The following RWDD3 variants were observed in gnomAD, a reference collection of about 807,000 sequenced individuals.
RWDD3 encodes the protein RWD domain-containing protein 3.
Under a neutral mutation model 26.5 loss-of-function variants are expected in RWDD3, and 30 were observed. That is an observed-to-expected ratio of 1.13 (90% CI 0.85 to 1.54). The LOEUF (loss-of-function observed/expected upper bound fraction) is 1.54. RWDD3 is among the 40% of genes most tolerant of loss of function. The pLI is 0.00. For missense variants in RWDD3, 296 were observed against 309.1 expected (o/e 0.96, Z 0.32); for synonymous variants, 113 against 114.5 (o/e 0.99, Z 0.09).
chr1:95,239,570 A>AT (rs1680517925), intron 1 of RWDD3, among the ~76,000 whole-genome samples: 1 of 152,220 alleles, frequency 6.6e-6, no homozygotes, highest in Admixed American at 6.5e-5. Context: ...TGACAGTATC[A>AT]TTTTGTATAA....
At chr1:95,235,416 T>G (rs1680289077) in intron 1 of RWDD3, among the ~76,000 whole-genome samples, 1 of 116,954 alleles carries the variant, frequency 8.6e-6, no homozygotes, top group South Asian at 3.2e-4. Flanking sequence ...TGGAGTGCAG[T>G]GGCGCGATCT....
At chr1:95,239,428 T>C (rs1352385006) in intron 1 of RWDD3, among the ~76,000 whole-genome samples, 3 of 152,096 alleles carry the variant, frequency 2.0e-5, no homozygotes, top group African/African-American at 7.2e-5. Flanking sequence ...GCAGATGAGA[T>C]ATGGAAGAGT....
intron 2 of RWDD3, chr1:95,246,021 T>A (rs1321490005): frequency 6.6e-6 from 1 of 152,180 alleles, no homozygotes; most frequent in East Asian, 1.9e-4. Context: ...GGATTGAGGA[T>A]GTATAGGTAC....
At chr1:95,238,361 G>C (rs765696653) in intron 1 of RWDD3, among the ~76,000 whole-genome samples, 8 of 151,862 alleles carry the variant, frequency 5.3e-5, no homozygotes, top group Admixed American at 3.3e-4. Flanking sequence ...TGTCAGTATT[G>C]AGCTGACTTC....
At chr1:95,234,161 G>A, upstream of RWDD3, 2 of 1,493,870 alleles carry the variant, frequency 1.3e-6, no homozygotes, top group African/African-American at 1.4e-5. Context: ...GGGCAGTGCT[G>A]CTCCTGGCCG....
At chr1:95,242,647 G>A (rs938405527) in intron 1 of RWDD3, among the ~76,000 whole-genome samples, 5 of 152,122 alleles carry the variant, frequency 3.3e-5, no homozygotes, top group East Asian at 1.9e-4. Context: ...GGCCGGGTGC[G>A]GTGGCTCATG....
At chr1:95,236,789 G>GA (rs1429561473) in intron 1 of RWDD3, among the ~76,000 whole-genome samples, 1 of 152,096 alleles carries the variant, frequency 6.6e-6, no homozygotes, top group Admixed American at 6.6e-5. Context: ...GAATATCCTG[G>GA]AAAAATGAAC....
chr1:95,241,517 G>C (rs1192721547), intron 1 of RWDD3, among the ~76,000 whole-genome samples: 1 of 152,140 alleles, frequency 6.6e-6, no homozygotes, highest in Non-Finnish European at 1.5e-5. Context: ...ACCTTATATT[G>C]CTTAGGAAAC....
At chr1:95,239,627 A>T (rs939647536) in intron 1 of RWDD3, 77 of 585,776 alleles carry the variant, frequency 1.3e-4, no homozygotes, top group Non-Finnish European at 1.8e-4. Context: ...AGGGGGATTT[A>T]CCAAGACCAA....
At chr1:95,242,738 G>A (rs1347486178) in intron 1 of RWDD3, among the ~76,000 whole-genome samples, 1 of 152,222 alleles carries the variant, frequency 6.6e-6, no homozygotes, top group African/African-American at 2.4e-5. Flanking sequence ...GGCTAACATG[G>A]AGAAACCCTG....
chr1:95,244,697 A>G lies in RWDD3; in HGVS notation c.572A>G (p.Lys191Arg). 6.2e-7 allele frequency: 1 copy of G among 1,611,400 alleles called. No individual in the cohort carries two copies. Among genetic ancestry groups the G allele is most frequent in the Non-Finnish European group, 8.5e-7 (1 of 1,178,966 alleles). The change falls in exon 2 of 4, where the codon AAG becomes AGG. Residue 191 changes from lysine (K) to arginine (R), a missense_variant and splice_region_variant. Physicochemically the swap from Lys to Arg is conservative, Grantham distance 26. Transcript: ENST00000370202. ...ILLQGDRNNLKEYLILQKTSK... is the reference protein window; with the variant it reads ...ILLQGDRNNLREYLILQKTSK... ...CTACAGGGAGACAGAAACAACCTCA[A>G]GGTGCCAAAAAGTTAAATGTTGAGT...
At chr1:95,238,416 G>GTT (rs200439924) in intron 1 of RWDD3, among the ~76,000 whole-genome samples, 2 of 145,654 alleles carry the variant, frequency 1.4e-5, no homozygotes, top group Admixed American at 6.9e-5. Flanking sequence ...TTTATTTTTA[G>GTT]TTTTTTTTTT....
At chr1:95,240,260 C>T (rs555220667) in intron 1 of RWDD3, among the ~76,000 whole-genome samples, 28 of 152,236 alleles carry the variant, frequency 1.8e-4, no homozygotes, top group African/African-American at 4.8e-4. Context: ...CTGTGAGATC[C>T]GTGATTACAA....
chr1:95,235,373 T>TTTTTTTTTTTA (rs1318282636), intron 1 of RWDD3, among the ~76,000 whole-genome samples: 1 of 125,150 alleles, frequency 8.0e-6, no homozygotes, highest in African/African-American at 3.1e-5. Context: ...TTTTTTTTTT[T>TTTTTTTTTTTA]TTTGAGACAG....
rs765962240 is a variant in RWDD3 at position 95,244,414 on chromosome 1, G to C, written c.289G>C (p.Glu97Gln). Residue 97 changes from glutamate (E) to glutamine (Q), a missense_variant, in exon 2 of 4, where the codon GAG becomes CAG. Glu to Gln is a conservative substitution (Grantham distance 29, BLOSUM62 2). Coordinates refer to ENST00000370202, the MANE Select transcript of RWDD3 (RefSeq NM_015485.5). ...TGAGCAAGCAGAGAGCCTTTTGTCG[G>C]AGCCTATGGTTCATGAGCTGGTTCT... ...LLEQAESLLS[E>Q]PMVHELVLWI... is the part of the protein sequence containing the mutation. 2 of 1,614,184 alleles carry C rather than the reference G, an allele frequency of 1.2e-6. No individual in the cohort carries two copies. The highest frequency in any genetic ancestry group is 2.2e-5 in the South Asian group (2 of 91,084).
At chr1:95,243,126 T>G (rs1438038500) in intron 1 of RWDD3, 1 of 152,236 alleles carries the variant, frequency 6.6e-6, no homozygotes, top group Non-Finnish European at 1.5e-5. Flanking sequence ...CAGCTGGTAC[T>G]GAAGAGTGTA....
At chr1:95,234,851 A>G (rs955213498) in intron 1 of RWDD3, among the ~76,000 whole-genome samples, 2 of 151,322 alleles carry the variant, frequency 1.3e-5, no homozygotes, top group South Asian at 2.1e-4. Flanking sequence ...CCAGTGCTCA[A>G]CCTCAACTTT....
intron 2 of RWDD3, among the ~76,000 whole-genome samples, chr1:95,245,646 G>T (rs1680823344): frequency 6.6e-6 from 1 of 152,266 alleles, no homozygotes; most frequent in Admixed American, 6.5e-5. Context: ...TGCATATCTT[G>T]GATTGGGACT....
At chr1:95,241,866 C>T (rs1020510016) in intron 1 of RWDD3, among the ~76,000 whole-genome samples, 1 of 151,666 alleles carries the variant, frequency 6.6e-6, no homozygotes, top group Admixed American at 6.6e-5. Flanking sequence ...CCCCTCCCCA[C>T]CCCCCCCAGG....
Sources: gnomAD v4.1 joint callset for allele counts (sites outside exome capture counted in the v4.1 genomes callset) on GRCh38, gnomAD v4.1.1 for gene constraint, MANE v1.5 for transcripts, NCBI Gene and HGNC (gene_info 2026-07-23, HGNC 2026-07-21) for gene names.